The following FOCAD variants were observed in gnomAD, a reference collection of about 807,000 sequenced individuals.
FOCAD encodes the protein KIAA1797.
A neutral mutation model predicts 225.6 loss-of-function variants in FOCAD; 198 were observed. The observed-to-expected ratio is 0.88, with a 90% CI of 0.78 to 0.99. The LOEUF is 0.99. Ranked by LOEUF, FOCAD falls within the 50% of genes least tolerant of loss-of-function variation. The pLI, the probability that FOCAD is intolerant of heterozygous loss-of-function variation, is 0.00. For missense variants in FOCAD, 2,713 were observed against 2,123.6 expected, an observed-to-expected ratio of 1.28 and a Z score of -5.46; for synonymous variants, 897 against 755.0, an observed-to-expected ratio of 1.19 and a Z score of -3.08.
At chr9:20,954,996 CATTTG>C (rs1838008888) in intron 35 of FOCAD, among the ~76,000 whole-genome samples, 2 of 152,180 alleles carry the variant, frequency 1.3e-5, no homozygotes, top group African/African-American at 4.8e-5. Flanking sequence ...ATACCCAGCT[CATTTG>C]AATTTTAATA....
intron 24 of FOCAD, among the ~76,000 whole-genome samples, chr9:20,920,766 G>A (rs951441543): frequency 9.3e-5 from 14 of 150,524 alleles, no homozygotes; most frequent in African/African-American, 3.4e-4. Context: ...TGAACAATGA[G>A]AACACATGGA....
intron 1 of FOCAD, among the ~76,000 whole-genome samples, chr9:20,712,434 C>A (rs186360277): frequency 1.3e-5 from 2 of 151,934 alleles, no homozygotes; most frequent in Admixed American, 6.6e-5. Flanking sequence ...CCGAGGCGGG[C>A]GGATCACTTG....
At chr9:20,910,422 C>T (rs1221537956) in intron 22 of FOCAD, among the ~76,000 whole-genome samples, 1 of 152,022 alleles carries the variant, frequency 6.6e-6, no homozygotes, top group African/African-American at 2.4e-5. Context: ...AATCAGAGCC[C>T]AGATCAGGAA....
chr9:20,789,358 A>G lies in FOCAD; in HGVS notation c.1205A>G (p.Tyr402Cys). The G allele has an allele frequency of 6.2e-7, 1 of 1,610,604 alleles. No individual in the cohort carries two copies. Among genetic ancestry groups the G allele is most frequent in the East Asian group, 2.2e-5 (1 of 44,778 alleles). Residue 402 changes from tyrosine to cysteine, a missense_variant, in exon 11 of 44, where the codon TAC becomes TGC. Physicochemically the swap from Tyr to Cys is radical, Grantham distance 194 (BLOSUM62 -2). Coordinates refer to ENST00000338382, the MANE Select transcript of FOCAD (RefSeq NM_001375567.1). ...CYRDDHQKLS[Y>C]KLVCPVTSMY... ...CTTGTCTTTATTTTTCAGCTCTCCTACAAGCTTGTGTGCCCTGTAACCAGT... is the reference window on the plus strand; with the variant it reads ...CTTGTCTTTATTTTTCAGCTCTCCTGCAAGCTTGTGTGCCCTGTAACCAGT...
At chr9:20,758,537 C>A (rs1829276219) in intron 6 of FOCAD, among the ~76,000 whole-genome samples, 1 of 147,518 alleles carries the variant, frequency 6.8e-6, no homozygotes, top group Non-Finnish European at 1.5e-5. Context: ...CACAACAGTC[C>A]CCAGATTGTG....
At chr9:20,722,756 G>T (rs7043382) in intron 4 of FOCAD, among the ~76,000 whole-genome samples, 26,253 of 152,012 alleles carry the variant, frequency 0.17, 2,789 homozygotes, top group African/African-American at 0.31. Context: ...TGTGTCTCTT[G>T]TTTTCTCATT....
intron 11 of FOCAD, among the ~76,000 whole-genome samples, chr9:20,796,707 G>C (rs1293934397): frequency 2.0e-5 from 3 of 152,054 alleles, no homozygotes; most frequent in African/African-American, 7.2e-5. Flanking sequence ...TGTAGATTCT[G>C]GGTATTAGCC....
chr9:20,770,271 A>G, intron 8 of FOCAD, 33 bp downstream of exon 8: 1 of 1,557,584 alleles, frequency 6.4e-7, no homozygotes, highest in South Asian at 1.1e-5. Context: ...CTGTTCATGC[A>G]TTGCTATTAA....
At chr9:20,847,995 C>T (rs1827284007) in intron 15 of FOCAD, among the ~76,000 whole-genome samples, 1 of 151,914 alleles carries the variant, frequency 6.6e-6, no homozygotes, top group Admixed American at 6.6e-5. Context: ...ATGTATATGA[C>T]AGGAAAGTCA....
At chr9:20,883,763 C>A (rs1587499489) in intron 20 of FOCAD, among the ~76,000 whole-genome samples, 1 of 152,184 alleles carries the variant, frequency 6.6e-6, no homozygotes, top group Admixed American at 6.5e-5. Context: ...TATTTTTAAA[C>A]ACTGTTTCCC....
chr9:20,938,392 A>G lies in FOCAD; in HGVS notation c.3407+5289A>G, dbSNP rs533233275. ...TGGCACATATACACCATGGAATACT[A>G]TGCAGCCATAAAAAAGGATGAGTTC... On this transcript the variant is annotated intron_variant, in intron 28 of 43. Transcript: ENST00000338382. Among the ~76,000 whole-genome samples, 340 of 152,344 alleles carry G rather than the reference A, an allele frequency of 2.2e-3. 3 individuals carry two copies. Among genetic ancestry groups the G allele is most frequent in the African/African-American group, 7.4e-3 (309 of 41,574 alleles).
intron 35 of FOCAD, among the ~76,000 whole-genome samples, chr9:20,961,324 G>C (rs1838707659): frequency 6.6e-6 from 1 of 151,854 alleles, no homozygotes; most frequent in South Asian, 2.1e-4. Context: ...TATTAAATTT[G>C]ACCAATAAGA....
chr9:20,920,806 A>C (rs1292817856), intron 24 of FOCAD, among the ~76,000 whole-genome samples: 2 of 148,790 alleles, frequency 1.3e-5, no homozygotes, highest in African/African-American at 2.5e-5. Context: ...CACTCTGGGG[A>C]CTGTTGTGGG....
At chr9:20,840,493 C>T (rs1187719187) in intron 15 of FOCAD, among the ~76,000 whole-genome samples, 2 of 147,512 alleles carry the variant, frequency 1.4e-5, no homozygotes, top group African/African-American at 5.0e-5. Flanking sequence ...TAAGTTTATA[C>T]TTAGGTATTT....
At chr9:20,811,181 G>A (rs1823027847) in intron 11 of FOCAD, among the ~76,000 whole-genome samples, 2 of 152,086 alleles carry the variant, frequency 1.3e-5, no homozygotes, top group South Asian at 4.1e-4. Flanking sequence ...CATTTACAGT[G>A]TGCTGGGAAC....
intron 7 of FOCAD, among the ~76,000 whole-genome samples, chr9:20,767,223 A>G (rs960027431): frequency 2.0e-5 from 3 of 151,368 alleles, no homozygotes; most frequent in Non-Finnish European, 2.9e-5. Flanking sequence ...CCAGTCTATC[A>G]TTTTTGGACA....
At chr9:20,850,145 AAAT>A (rs1293220871) in intron 15 of FOCAD, among the ~76,000 whole-genome samples, 1 of 151,780 alleles carries the variant, frequency 6.6e-6, no homozygotes, top group African/African-American at 2.4e-5. Context: ...TGGTCATAAG[AAAT>A]AAAAATAATT....
intron 19 of FOCAD, among the ~76,000 whole-genome samples, chr9:20,878,616 C>T (rs867080179): frequency 3.3e-5 from 5 of 152,118 alleles, no homozygotes; most frequent in Admixed American, 1.3e-4. Flanking sequence ...TTCTCCAATA[C>T]CAAATCTATT....
At chr9:20,735,253 TAAA>T (rs1191906947) in intron 4 of FOCAD, among the ~76,000 whole-genome samples, 1 of 152,174 alleles carries the variant, frequency 6.6e-6, no homozygotes, top group Non-Finnish European at 1.5e-5. Flanking sequence ...TTCACTCTGC[TAAA>T]AACTTTCCCT....
Sources: allele counts gnomAD v4.1 joint callset (sites outside exome capture counted in the v4.1 genomes callset), GRCh38; gene constraint gnomAD v4.1.1; transcripts MANE v1.5; gene names NCBI Gene and HGNC (gene_info 2026-07-23, HGNC 2026-07-21).